HEATR1: variants seen among roughly 807,000 people sequenced by gnomAD.
HEATR1 encodes the protein HEAT repeat containing 1, also known as HEAT repeat-containing protein 1.
Under a neutral mutation model 248.2 loss-of-function variants are expected in HEATR1, and 77 were observed. The observed-to-expected ratio is 0.31, with a 90% confidence interval of 0.26 to 0.37. The LOEUF is 0.37. Ranked by LOEUF, HEATR1 falls within the 10% of genes least tolerant of loss-of-function variation. HEATR1 has a pLI of 1.00. For synonymous variants in HEATR1, 897 were observed against 923.1 expected (o/e 0.97, Z 0.51); for missense variants, 2,420 against 2,504.9 (o/e 0.97, Z 0.72).
intron 43 of HEATR1, 130 bp downstream of exon 43, chr1:236,553,451 T>C (rs2103122338): frequency 1.0e-6 from 1 of 953,288 alleles, no homozygotes; most frequent in Non-Finnish European, 1.5e-6. Flanking sequence ...GGACCTCTAG[T>C]ACTGGATGAC....
At position 236,603,369 on chromosome 1, in the gene HEATR1, A is replaced by G; in HGVS notation, c.150T>C (p.Thr50=). ...CAATTCCAAGCAACTCTTCCAGGCC[A>G]GTACATCCTAAATTTCAAAAAAGGC... ...DRDTAFAIGC[T]GLEELLGIDP... Residue 50 remains threonine, a synonymous_variant, in exon 3 of 45, where the codon ACT becomes ACC. Transcript: ENST00000366582. The G allele has an allele frequency of 6.2e-7, 1 of 1,613,426 alleles. No homozygotes were observed. The highest frequency in any genetic ancestry group is 8.5e-7 in the Non-Finnish European group (1 of 1,179,798).
In HEATR1 at chr1:236,599,573, T is replaced by C. The variant is rs767748861; in HGVS notation, c.411A>G (p.Pro137=). ...GCACAAATATTCTTGTCTCGTGGTATGGCAGAACACAAGCAATGAGGCTAT... is the reference window on the plus strand; with the variant it reads ...GCACAAATATTCTTGTCTCGTGGTACGGCAGAACACAAGCAATGAGGCTAT... ...NQDSLIACVL[P]YHETRIFVRV... The change falls in exon 4 of 45, where the codon CCA becomes CCG. Residue 137 remains proline, a synonymous_variant. Transcript: ENST00000366582. 95 of 1,613,770 alleles carry C rather than the reference T, an allele frequency of 5.9e-5. No individual in the cohort carries two copies. Among genetic ancestry groups the C allele is most frequent in the South Asian group, 2.2e-4 (20 of 91,066 alleles).
intron 3 of HEATR1, among the ~76,000 whole-genome samples, chr1:236,601,817 T>C (rs1664332876): frequency 1.4e-5 from 2 of 144,064 alleles, no homozygotes; most frequent in Non-Finnish European, 3.0e-5. Context: ...GTGAGTGAAA[T>C]CCTGACACTC....
At chr1:236,601,219 A>G (rs1247263385) in intron 3 of HEATR1, among the ~76,000 whole-genome samples, 2 of 151,982 alleles carry the variant, frequency 1.3e-5, no homozygotes, top group Non-Finnish European at 2.9e-5. Flanking sequence ...TGCTTCTTGA[A>G]AAAAAATTAG....
intron 3 of HEATR1, among the ~76,000 whole-genome samples, chr1:236,601,363 C>T (rs1664320271): frequency 6.6e-6 from 1 of 152,046 alleles, no homozygotes; most frequent in South Asian, 2.1e-4. Context: ...TCTCCTGCCT[C>T]AGCCTCCCAA....
chr1:236,572,962 C>T (rs1281233164), intron 24 of HEATR1, 134 bp from the exon 25 acceptor site: 7 of 778,328 alleles, frequency 9.0e-6, no homozygotes, highest in East Asian at 7.6e-5. Context: ...TCTGAACCCC[C>T]CCCAGCATTG....
intron 29 of HEATR1, among the ~76,000 whole-genome samples, chr1:236,567,388 G>C (rs1663300652): frequency 1.3e-5 from 2 of 152,168 alleles, no homozygotes; most frequent in South Asian, 4.1e-4. Context: ...TATGAGCCCT[G>C]CCCCAAAGGA....
intron 3 of HEATR1, 89 bp downstream of exon 3, chr1:236,603,071 A>C: frequency 1.1e-6 from 1 of 904,044 alleles, no homozygotes; most frequent in Non-Finnish European, 1.8e-6. Context: ...CTAATTTTTC[A>C]GCTTTAATTT....
Position 236,549,236 on chromosome 1 carries a change from G to C in HEATR1, c.*1666C>G, listed in dbSNP as rs1662598731. 2.8e-6 allele frequency: 1 copy of C among 362,696 alleles called. No homozygotes were observed. The allele number at this position is 362,696 out of a possible 1,614,324, so 22.5% of individuals were successfully genotyped here. A position where few individuals can be genotyped will look rare whatever the true frequency, so the allele number is the denominator to read the frequency against. On this transcript the variant is annotated 3_prime_UTR_variant, in exon 45 of 45. Coordinates refer to ENST00000366582, the MANE Select transcript of HEATR1 (RefSeq NM_018072.6). The stretch of plus-strand genomic sequence containing the variant: ...AGATCAAAGCACTCTTCCACTTTAC[G>C]TGATTAAAATCAAACCTGTATCAGC...
At chr1:236,582,912 A>G (rs752038410) in intron 18 of HEATR1, 40 bp from the exon 19 acceptor site, 130 of 1,610,436 alleles carry the variant, frequency 8.1e-5, no homozygotes, top group Non-Finnish European at 1.0e-4. Flanking sequence ...TAGATCCTAC[A>G]TGAACATGCT....
At position 236,576,845 on chromosome 1, in the gene HEATR1, G is replaced by A. The variant is rs755144884; in HGVS notation, c.2860C>T (p.Leu954=). 1.2e-6 allele frequency: 2 copies of A among 1,614,058 alleles called. No individual in the cohort carries two copies. Among genetic ancestry groups the A allele is most frequent in the Non-Finnish European group, 1.7e-6 (2 of 1,179,976 alleles). Residue 954 remains leucine, a synonymous_variant, in exon 21 of 45, where the codon CTG becomes TTG. Coordinates refer to ENST00000366582, the MANE Select transcript of HEATR1 (RefSeq NM_018072.6). ...TTAGAAATCAAATGATCTATTATCAGATAAAACGGGGATGCCACTCCACTG... is the reference window on the plus strand; with the variant it reads ...TTAGAAATCAAATGATCTATTATCAAATAAAACGGGGATGCCACTCCACTG... ...ALSGVASPFY[L]IIDHLISKAE...
Position 236,576,397 on chromosome 1 carries a change from A to G in HEATR1, c.2926-20T>C, listed in dbSNP as rs1224808265. On this transcript the variant is annotated intron_variant, in intron 21 of 44. Transcript: ENST00000366582. ...CAAATCCTAAGATACCAAAAAGAAA[A>G]TTGGATAAAAAAGGGTTAAGAAACT... The G allele has an allele frequency of 2.6e-6, 4 of 1,543,964 alleles. No individual in the cohort carries two copies. The highest frequency in any genetic ancestry group is 3.5e-6 in the Non-Finnish European group (4 of 1,148,404).
At chr1:236,551,086 C>G in intron 44 of HEATR1, 96 bp from the exon 45 acceptor site, 1 of 883,862 alleles carries the variant, frequency 1.1e-6, no homozygotes, top group Non-Finnish European at 1.7e-6. Flanking sequence ...CACTTTCCGG[C>G]AATCATTCAA....
intron 30 of HEATR1, 43 bp from the exon 31 acceptor site, chr1:236,566,088 T>C (rs1342881039): frequency 8.2e-6 from 13 of 1,587,458 alleles, no homozygotes; most frequent in Middle Eastern, 1.7e-4. Context: ...TACTTAGGAA[T>C]TGTGAAGGCA....
Position 236,597,961 on chromosome 1 carries a change from C to G in HEATR1, c.520G>C (p.Ala174Pro). ...CAGTGGGTAATCAAAGTTCCTTTAG[C>G]TAACGGCACTCCAGATTGCTGTTAT... ...LPVKQSGVPL[A>P]KGTLITHCYK... Residue 174 changes from alanine to proline, a missense_variant, in exon 5 of 45, where the codon GCT becomes CCT. Physicochemically the swap from Ala to Pro is conservative, Grantham distance 27 (BLOSUM62 -1). Transcript: ENST00000366582. The G allele has an allele frequency of 6.2e-7, 1 of 1,612,558 alleles. No homozygotes were observed. The highest frequency in any genetic ancestry group is 8.5e-7 in the Non-Finnish European group (1 of 1,178,936).
At chr1:236,582,622 T>C (rs2103142984) in intron 19 of HEATR1, 114 bp downstream of exon 19, 2 of 1,037,580 alleles carry the variant, frequency 1.9e-6, no homozygotes, top group East Asian at 2.4e-5. Flanking sequence ...AGGCTGGTAT[T>C]GAACTCCTGA....
intron 19 of HEATR1, among the ~76,000 whole-genome samples, 154 bp downstream of exon 19, chr1:236,582,582 T>C (rs1663782053): frequency 6.6e-6 from 1 of 152,052 alleles, no homozygotes; most frequent in African/African-American, 2.4e-5. Context: ...TTTGTATTTT[T>C]AGTAGAAATG....
intron 32 of HEATR1, 68 bp from the exon 33 acceptor site, chr1:236,561,339 T>G: frequency 1.6e-6 from 2 of 1,233,386 alleles, no homozygotes; most frequent in South Asian, 2.5e-5. Context: ...TCAAGTCAGT[T>G]CAATGAAACT....
In HEATR1 at chr1:236,550,782, G is replaced by T. The variant is rs1662694471; in HGVS notation, c.*120C>A. The T allele has an allele frequency of 5.6e-6, 4 of 718,586 alleles. No individual in the cohort carries two copies. The highest frequency in any genetic ancestry group is 2.0e-5 in the South Asian group (1 of 50,210). 44.5% of individuals were successfully genotyped at this position (718,586 alleles called of 1,614,324 possible). A position where few individuals can be genotyped will look rare whatever the true frequency, so the allele number is the denominator to read the frequency against. Reference sequence around the variant, plus strand: ...TTTGTAAAGAAGTGATAAAACATTTGTAAGTAATCCAAGTAGGTGTATTAA... The same window carrying T: ...TTTGTAAAGAAGTGATAAAACATTTTTAAGTAATCCAAGTAGGTGTATTAA... On this transcript the variant is annotated 3_prime_UTR_variant, in exon 45 of 45. Transcript: ENST00000366582.
Sources: allele counts gnomAD v4.1 joint callset (sites outside exome capture counted in the v4.1 genomes callset), GRCh38; gene constraint gnomAD v4.1.1; transcripts MANE v1.5; gene names NCBI Gene and HGNC (gene_info 2026-07-23, HGNC 2026-07-21).